Variants in KAZN observed in about 807,000 individuals in gnomAD.
KAZN encodes kazrin, periplakin interacting protein.
In KAZN, 40 loss-of-function variants were observed where a neutral mutation model predicts 87.4. That is an observed-to-expected ratio of 0.46 (90% CI 0.36 to 0.60). The LOEUF (loss-of-function observed/expected upper bound fraction) is 0.60. Among genes scored for constraint, KAZN ranks in the 20% least tolerant of loss-of-function variants. The pLI, the probability that KAZN is intolerant of heterozygous loss-of-function variation, is 0.00. For missense variants in KAZN, 898 were observed against 1,073.9 expected, an observed-to-expected ratio of 0.84 and a Z score of 2.29; for synonymous variants, 466 against 458.3, an observed-to-expected ratio of 1.02 and a Z score of -0.22.
upstream of KAZN, among the ~76,000 whole-genome samples, chr1:14,596,012 TTTTGA>T (rs1363209339): frequency 6.6e-6 from 1 of 152,132 alleles, no homozygotes; most frequent in East Asian, 1.9e-4. Context: ...GATTTTTTTG[TTTTGA>T]TTTGATTTGA....
intron 2 of KAZN, among the ~76,000 whole-genome samples, chr1:14,566,113 T>A (rs1386510013): frequency 6.6e-6 from 1 of 152,224 alleles, no homozygotes; most frequent in Non-Finnish European, 1.5e-5. Context: ...CTATAGCCTA[T>A]GAAATGTGTT....
intron 2 of KAZN, among the ~76,000 whole-genome samples, chr1:14,206,130 A>G (rs946846): frequency 2.6e-5 from 4 of 152,124 alleles, no homozygotes; most frequent in African/African-American, 9.7e-5. Context: ...TTACAGAATC[A>G]AATTTCTCAT....
intron 2 of KAZN, among the ~76,000 whole-genome samples, chr1:14,432,974 G>C (rs988231010): frequency 2.0e-5 from 3 of 151,926 alleles, no homozygotes; most frequent in African/African-American, 7.3e-5. Context: ...GTGTGTGTAT[G>C]TATATGTATA....
At chr1:14,164,618 A>G (rs1409272912) in intron 1 of KAZN, among the ~76,000 whole-genome samples, 1 of 134,332 alleles carries the variant, frequency 7.4e-6, no homozygotes, top group Non-Finnish European at 1.5e-5. Flanking sequence ...TCGGCTCACC[A>G]CAACCTCCGC....
rs1641890119 is a variant in KAZN at position 15,117,700 on chromosome 1, A to T, written c.*3065A>T. On this transcript the variant is annotated 3_prime_UTR_variant, in exon 15 of 15. Coordinates refer to ENST00000376030, the MANE Select transcript of KAZN (RefSeq NM_201628.3). The stretch of plus-strand genomic sequence containing the variant: ...GCATCCAGGCCCCTCTGACCTGGGG[A>T]GAAGAAGGCCCATGCTCAGGCCCAC... 2 of 152,384 alleles carry T rather than the reference A, an allele frequency of 1.3e-5. No homozygotes were observed. Among genetic ancestry groups the T allele is most frequent in the African/African-American group, 4.8e-5 (2 of 41,402 alleles). The allele number at this position is 152,384 out of a possible 1,614,324, so 9.4% of individuals were successfully genotyped here.
intron 2 of KAZN, among the ~76,000 whole-genome samples, chr1:14,477,424 C>A (rs1477248771): frequency 6.9e-6 from 1 of 145,606 alleles, no homozygotes; most frequent in African/African-American, 2.5e-5. Flanking sequence ...GTAATTCATT[C>A]CCTCTCTCTC....
At chr1:14,021,213 A>T (rs1640809639) in intron 1 of KAZN, among the ~76,000 whole-genome samples, 1 of 152,048 alleles carries the variant, frequency 6.6e-6, no homozygotes, top group Non-Finnish European at 1.5e-5. Flanking sequence ...AATTATAACA[A>T]CCCCAAATTT....
intron 1 of KAZN, among the ~76,000 whole-genome samples, chr1:14,098,906 G>C (rs955074108): frequency 6.6e-6 from 1 of 152,174 alleles, no homozygotes; most frequent in African/African-American, 2.4e-5. Context: ...CACACACATG[G>C]AATTCAGAGG....
At chr1:14,832,595 G>A (rs1255393713) in intron 1 of KAZN, among the ~76,000 whole-genome samples, 3 of 152,132 alleles carry the variant, frequency 2.0e-5, no homozygotes, top group Non-Finnish European at 4.4e-5. Context: ...TAACACTGAC[G>A]ATAGCTGATG....
intron 8 of KAZN, among the ~76,000 whole-genome samples, chr1:15,084,955 C>A (rs1640178720): frequency 6.6e-6 from 1 of 152,052 alleles, no homozygotes; most frequent in African/African-American, 2.4e-5. Flanking sequence ...AAGGAAATGT[C>A]AGATGAAATC....
At chr1:14,587,174 G>A (rs1675902739) in intron 2 of KAZN, among the ~76,000 whole-genome samples, 1 of 152,160 alleles carries the variant, frequency 6.6e-6, no homozygotes, top group South Asian at 2.1e-4. Flanking sequence ...GGTGGCTCAT[G>A]CCTGTAATCC....
At chr1:14,613,812 A>G (rs1678002860) in intron 1 of KAZN, among the ~76,000 whole-genome samples, 1 of 152,186 alleles carries the variant, frequency 6.6e-6, no homozygotes, top group Non-Finnish European at 1.5e-5. Flanking sequence ...TGTCAGGTGC[A>G]GTGAGGTGCT....
At chr1:15,000,294 C>T (rs992839686) in intron 2 of KAZN, among the ~76,000 whole-genome samples, 6 of 151,742 alleles carry the variant, frequency 4.0e-5, no homozygotes, top group East Asian at 1.9e-4. Context: ...CTATAGCCTC[C>T]GGTGGGAGCC....
At position 15,007,694 on chromosome 1, in the gene KAZN, T is replaced by C. The variant is rs911702316; in HGVS notation, c.419-27055T>C. Among the ~76,000 whole-genome samples, 12 of 152,250 alleles carry C rather than the reference T, an allele frequency of 7.9e-5. No homozygotes were observed. The East Asian group carries it at 2.1e-3, about 27-fold the overall frequency. ...CAGGTAGCTCACCTGCCCGCCTCCA[T>C]AACAGATGATTAGCAGGCCCGGCAA... On this transcript the variant is annotated intron_variant, in intron 2 of 14. Transcript: ENST00000376030.
At chr1:13,910,636 C>T (rs1271881709) in intron 1 of KAZN, among the ~76,000 whole-genome samples, 1 of 152,066 alleles carries the variant, frequency 6.6e-6, no homozygotes, top group Non-Finnish European at 1.5e-5. Flanking sequence ...AGAGCGGATG[C>T]TAGCATCATG....
At chr1:14,772,512 T>C (rs1193555057) in intron 1 of KAZN, among the ~76,000 whole-genome samples, 2 of 113,454 alleles carry the variant, frequency 1.8e-5, no homozygotes, top group African/African-American at 2.9e-5. Context: ...ACCTAATACG[T>C]TTAATAGATT....
intron 1 of KAZN, among the ~76,000 whole-genome samples, chr1:13,908,983 C>T (rs1047650301): frequency 2.0e-5 from 3 of 152,156 alleles, no homozygotes; most frequent in Non-Finnish European, 4.4e-5. Flanking sequence ...CAGCAGAGCT[C>T]GCAGGTTTGC....
chr1:14,715,504 C>T (rs939658278), intron 1 of KAZN, among the ~76,000 whole-genome samples: 1 of 152,218 alleles, frequency 6.6e-6, no homozygotes, highest in Non-Finnish European at 1.5e-5. Flanking sequence ...ACACATCATC[C>T]TCAGAAGGGA....
rs116014733 is a variant in KAZN at position 14,312,773 on chromosome 1, A to C, written c.249+132181A>C. On this transcript the variant is annotated intron_variant, in intron 2 of 16. Coordinates refer to the KAZN transcript ENST00000636203. ...TCTCTCTGTTGCCTTCTTGGCTTGC[A>C]TGCTGCCACATTGGAGAGGCCCACG... Among the ~76,000 whole-genome samples, 685 of 152,156 alleles carry C rather than the reference A, an allele frequency of 4.5e-3. 2 individuals carry two copies. The highest frequency in any genetic ancestry group is 0.014 in the African/African-American group (595 of 41,522).
Sources: allele counts gnomAD v4.1 joint callset (sites outside exome capture counted in the v4.1 genomes callset), GRCh38; gene constraint gnomAD v4.1.1; transcripts MANE v1.5; gene names NCBI Gene and HGNC (gene_info 2026-07-23, HGNC 2026-07-21).